The following MEI4 variants were observed in gnomAD, a reference collection of about 807,000 sequenced individuals.
MEI4 encodes meiotic double-stranded break formation protein 4.
In MEI4, 27 loss-of-function variants were observed where a neutral mutation model predicts 31.4. That is an observed-to-expected ratio of 0.86 (90% CI 0.63 to 1.19). The LOEUF is 1.19. MEI4 is among the 50% of genes most tolerant of loss of function. MEI4 has a pLI of 0.00. For missense variants in MEI4, 329 were observed against 398.9 expected, an observed-to-expected ratio of 0.82 and a Z score of 1.49; for synonymous variants, 122 against 145.4, an observed-to-expected ratio of 0.84 and a Z score of 1.16.
At chr6:77,688,568 A>G (rs1769100763) in intron 1 of MEI4, among the ~76,000 whole-genome samples, 1 of 152,106 alleles carries the variant, frequency 6.6e-6, no homozygotes, top group Non-Finnish European at 1.5e-5. Flanking sequence ...GGTTGCTTCA[A>G]TCAATTAATT....
At chr6:77,735,813 G>C (rs1166731537) in intron 2 of MEI4, among the ~76,000 whole-genome samples, 2 of 151,970 alleles carry the variant, frequency 1.3e-5, no homozygotes, top group African/African-American at 4.8e-5. Context: ...TGGGTTTTTG[G>C]TGTGGATGTA....
chr6:77,696,434 G>T (rs142068517), intron 2 of MEI4, among the ~76,000 whole-genome samples: 1 of 152,104 alleles, frequency 6.6e-6, no homozygotes, highest in Non-Finnish European at 1.5e-5. Context: ...TTTGAGGTAC[G>T]TCCCATCAAT....
At chr6:77,884,867 A>AT (rs1562025573) in intron 4 of MEI4, among the ~76,000 whole-genome samples, 1 of 151,324 alleles carries the variant, frequency 6.6e-6, no homozygotes, top group Non-Finnish European at 1.5e-5. Flanking sequence ...AAATATTAGG[A>AT]TTTTTTTTCT....
At chr6:77,736,102 C>T (rs77853916) in intron 2 of MEI4, among the ~76,000 whole-genome samples, 2 of 152,068 alleles carry the variant, frequency 1.3e-5, no homozygotes, top group African/African-American at 4.8e-5. Context: ...CTGTGCCCTG[C>T]CCCCAGAGGT....
chr6:77,677,242 T>C (rs562858070), intron 1 of MEI4, among the ~76,000 whole-genome samples: 1 of 152,344 alleles, frequency 6.6e-6, no homozygotes, highest in South Asian at 2.1e-4. Flanking sequence ...GTCTATTTCA[T>C]AGCTTCAACT....
At chr6:77,670,618 A>G (rs1302939532) in intron 1 of MEI4, among the ~76,000 whole-genome samples, 1 of 148,956 alleles carries the variant, frequency 6.7e-6, no homozygotes, top group Non-Finnish European at 1.5e-5. Context: ...AGGCCTTTCA[A>G]CTTCCCTCTC....
At position 77,923,738 on chromosome 6, in the gene MEI4, C is replaced by G. The variant is rs1225072713; in HGVS notation, c.*392C>G. 6.5e-6 allele frequency: 1 copy of G among 152,934 alleles called. No individual in the cohort carries two copies. The highest frequency in any genetic ancestry group is 1.5e-5 in the Non-Finnish European group (1 of 68,772). 9.5% of individuals were successfully genotyped at this position (152,934 alleles called of 1,614,324 possible). ...AGAGATTTTTAAAGAAGTTTAGTTG[C>G]ATTATCAACACAAAGTGTTGGAATA... On this transcript the variant is annotated 3_prime_UTR_variant, in exon 5 of 5. Transcript: ENST00000684080.
chr6:77,735,492 T>G (rs1767165248), intron 2 of MEI4, among the ~76,000 whole-genome samples: 1 of 152,106 alleles, frequency 6.6e-6, no homozygotes, highest in Admixed American at 6.5e-5. Context: ...CATCAGGTCC[T>G]TTAAGCACTT....
At chr6:77,790,670 C>CAA (rs1418927564) in intron 3 of MEI4, among the ~76,000 whole-genome samples, 5 of 151,918 alleles carry the variant, frequency 3.3e-5, no homozygotes, top group African/African-American at 1.2e-4. Context: ...AAGATCAACC[C>CAA]AAAGAAAATT....
Position 77,926,720 on chromosome 6 carries a change from A to T in MEI4, c.*3374A>T, listed in dbSNP as rs1766852407. On this transcript the variant is annotated 3_prime_UTR_variant, in exon 5 of 5. Coordinates refer to ENST00000684080, the MANE Select transcript of MEI4 (RefSeq NM_001322247.2). ...AATATGAAGCACCAATTGTCTACAA[A>T]CCAATTATTTGCAAAAATAAAACAT... The T allele has an allele frequency of 6.6e-6, 1 of 151,982 alleles. No homozygotes were observed. Among genetic ancestry groups the T allele is most frequent in the Non-Finnish European group, 1.5e-5 (1 of 67,948 alleles). The allele number at this position is 151,982 out of a possible 1,614,324, so 9.4% of individuals were successfully genotyped here.
At chr6:77,918,938 G>A (rs540982774) in intron 4 of MEI4, among the ~76,000 whole-genome samples, 43 of 152,070 alleles carry the variant, frequency 2.8e-4, no homozygotes, top group East Asian at 7.8e-4. Flanking sequence ...TTTGAAATAC[G>A]TCCCATCAAT....
At chr6:77,668,721 A>G (rs1768682965) in intron 1 of MEI4, among the ~76,000 whole-genome samples, 1 of 152,184 alleles carries the variant, frequency 6.6e-6, no homozygotes, top group Non-Finnish European at 1.5e-5. Flanking sequence ...GGAGGATTAA[A>G]TAAGATTATG....
chr6:77,882,790 A>G (rs1360517583), intron 4 of MEI4, among the ~76,000 whole-genome samples: 1 of 152,162 alleles, frequency 6.6e-6, no homozygotes, highest in African/African-American at 2.4e-5. Context: ...AAAGTTCTTA[A>G]TGTCATTTTT....
intron 3 of MEI4, among the ~76,000 whole-genome samples, chr6:77,796,975 C>T (rs1217662659): frequency 6.6e-6 from 1 of 152,122 alleles, no homozygotes; most frequent in Non-Finnish European, 1.5e-5. Context: ...CAGGGTGATA[C>T]TGGCATAAAA....
At chr6:77,742,134 C>T (rs918755407) in intron 2 of MEI4, among the ~76,000 whole-genome samples, 1 of 151,886 alleles carries the variant, frequency 6.6e-6, no homozygotes, top group Non-Finnish European at 1.5e-5. Context: ...GGGTATATAC[C>T]CAGTAGTGGG....
At chr6:77,659,532 G>T (rs1034352056) in intron 1 of MEI4, among the ~76,000 whole-genome samples, 5 of 152,144 alleles carry the variant, frequency 3.3e-5, no homozygotes, top group Admixed American at 6.5e-5. Flanking sequence ...GATTTTCATG[G>T]TGTATGAGAA....
At chr6:77,680,281 T>TA (rs1344892591) in intron 1 of MEI4, among the ~76,000 whole-genome samples, 168 of 149,844 alleles carry the variant, frequency 1.1e-3, no homozygotes, top group Non-Finnish European at 1.9e-3. Context: ...TCTCAAAAAA[T>TA]AAAAAATAAA....
chr6:77,920,967 C>T (rs1473609278), intron 4 of MEI4, among the ~76,000 whole-genome samples: 3 of 151,848 alleles, frequency 2.0e-5, no homozygotes, highest in Admixed American at 6.6e-5. Context: ...CTTAAGGATT[C>T]CAGAATTGTT....
chr6:77,843,402 G>A (rs892390496), intron 4 of MEI4, among the ~76,000 whole-genome samples: 2 of 151,832 alleles, frequency 1.3e-5, no homozygotes, highest in Non-Finnish European at 2.9e-5. Flanking sequence ...AAATCCCAGT[G>A]ATTTTGGCAA....
Sources: allele counts gnomAD v4.1 joint callset (sites outside exome capture counted in the v4.1 genomes callset), GRCh38; gene constraint gnomAD v4.1.1; transcripts MANE v1.5; gene names NCBI Gene and HGNC (gene_info 2026-07-23, HGNC 2026-07-21).